MOB3B: variants seen among roughly 807,000 people sequenced by gnomAD.
MOB3B encodes the protein MOB kinase activator 3B, also known as MOB kinase activator-like 2B.
In MOB3B, 7 loss-of-function variants were observed where a neutral mutation model predicts 18.7. That is an observed-to-expected ratio of 0.37 (90% CI 0.21 to 0.70). The LOEUF (loss-of-function observed/expected upper bound fraction) is 0.70. Among genes scored for constraint, MOB3B ranks in the 30% least tolerant of loss-of-function variants. The pLI, the probability that MOB3B is intolerant of heterozygous loss-of-function variation, is 0.52. For missense variants in MOB3B, 253 were observed against 281.3 expected (o/e 0.90, Z 0.72); for synonymous variants, 111 against 99.9 (o/e 1.11, Z -0.66).
At chr9:27,456,672 A>G (rs1822875641) in intron 1 of MOB3B, among the ~76,000 whole-genome samples, 2 of 152,166 alleles carry the variant, frequency 1.3e-5, no homozygotes, top group Non-Finnish European at 2.9e-5. Context: ...GCCGTCCTTT[A>G]TACCCTTCAT....
At chr9:27,392,280 C>T (rs1821736999) in intron 2 of MOB3B, among the ~76,000 whole-genome samples, 1 of 152,120 alleles carries the variant, frequency 6.6e-6, no homozygotes, top group South Asian at 2.1e-4. Context: ...TCTTGAACAT[C>T]ATTGAAGCTT....
chr9:27,394,954 T>C (rs1286405648), intron 2 of MOB3B, among the ~76,000 whole-genome samples: 1 of 152,218 alleles, frequency 6.6e-6, no homozygotes, highest in East Asian at 1.9e-4. Flanking sequence ...AGCAGCTCTA[T>C]TAGATTGAAA....
chr9:27,418,091 C>CAAAAAAAAAAAAAAAAAAAAA (rs57850999), intron 2 of MOB3B, among the ~76,000 whole-genome samples: 6 of 44,082 alleles, frequency 1.4e-4, no homozygotes, highest in African/African-American at 3.4e-4. Flanking sequence ...GACTCCACCT[C>CAAAAAAAAAAAAAAAAAAAAA]AAAAAAAAAA....
At chr9:27,418,603 T>C (rs917207716) in intron 2 of MOB3B, among the ~76,000 whole-genome samples, 13 of 152,202 alleles carry the variant, frequency 8.5e-5, no homozygotes, top group African/African-American at 3.1e-4. Context: ...TCTCAATAGA[T>C]GCAGAAAAAG....
intron 3 of MOB3B, among the ~76,000 whole-genome samples, chr9:27,352,135 C>T (rs906023409): frequency 1.3e-5 from 2 of 152,112 alleles, no homozygotes; most frequent in Non-Finnish European, 2.9e-5. Context: ...AATCCCAGCA[C>T]TTTGGGAGGT....
intron 1 of MOB3B, among the ~76,000 whole-genome samples, chr9:27,521,877 C>T (rs1433135356): frequency 6.6e-6 from 1 of 152,086 alleles, no homozygotes; most frequent in Admixed American, 6.5e-5. Context: ...TAGTATTGAT[C>T]CCATTTCAGA....
intron 1 of MOB3B, among the ~76,000 whole-genome samples, chr9:27,509,546 A>G (rs1820110597): frequency 1.3e-5 from 2 of 151,756 alleles, no homozygotes; most frequent in South Asian, 4.2e-4. Flanking sequence ...CCTCCCGAGT[A>G]GCTGGAATTA....
intron 3 of MOB3B, among the ~76,000 whole-genome samples, chr9:27,330,935 A>G (rs1015606396): frequency 6.6e-6 from 1 of 152,136 alleles, no homozygotes; most frequent in Non-Finnish European, 1.5e-5. Flanking sequence ...TCAGCAGAAG[A>G]ATTTGCTCTC....
intron 1 of MOB3B, among the ~76,000 whole-genome samples, chr9:27,480,868 G>A (rs887092594): frequency 6.6e-6 from 1 of 152,118 alleles, no homozygotes; most frequent in African/African-American, 2.4e-5. Context: ...TAAGAGAACA[G>A]AAAATGATAA....
At chr9:27,369,510 C>T (rs7025359) in intron 2 of MOB3B, among the ~76,000 whole-genome samples, 147,926 of 152,310 alleles carry the variant, frequency 0.97, 71,983 homozygotes, top group Middle Eastern at 1. Flanking sequence ...CTTCCCAATA[C>T]GCAAATCTAA....
chr9:27,517,210 G>A (rs1820248613), intron 1 of MOB3B, among the ~76,000 whole-genome samples: 1 of 152,086 alleles, frequency 6.6e-6, no homozygotes, highest in African/African-American at 2.4e-5. Context: ...ACTGCCTCCA[G>A]GAACCTCTGC....
At chr9:27,454,246 G>C (rs1453134804) in intron 2 of MOB3B, among the ~76,000 whole-genome samples, 3 of 152,080 alleles carry the variant, frequency 2.0e-5, no homozygotes, top group Non-Finnish European at 2.9e-5. Flanking sequence ...TACGTTTTTT[G>C]TACTCCAACC....
intron 2 of MOB3B, among the ~76,000 whole-genome samples, chr9:27,362,780 T>C (rs1490949879): frequency 2.6e-5 from 4 of 152,196 alleles, no homozygotes; most frequent in Non-Finnish European, 4.4e-5. Flanking sequence ...GAAAGCTACA[T>C]GCATTTGAAA....
chr9:27,471,078 A>G (rs951703522), intron 1 of MOB3B, among the ~76,000 whole-genome samples: 2 of 152,164 alleles, frequency 1.3e-5, no homozygotes, highest in African/African-American at 4.8e-5. Flanking sequence ...GAAATGGCAG[A>G]AAGACCAAGA....
At chr9:27,412,039 C>G (rs888853758) in intron 2 of MOB3B, among the ~76,000 whole-genome samples, 50 of 152,164 alleles carry the variant, frequency 3.3e-4, no homozygotes, top group African/African-American at 1.2e-3. Flanking sequence ...TTAATTAACC[C>G]TGAACCATTT....
At chr9:27,452,805 C>G (rs929304130) in intron 2 of MOB3B, among the ~76,000 whole-genome samples, 1 of 152,130 alleles carries the variant, frequency 6.6e-6, no homozygotes, top group Non-Finnish European at 1.5e-5. Flanking sequence ...TATTTGGAAT[C>G]TTAAAATGTT....
At chr9:27,465,855 G>T (rs1162559265) in intron 1 of MOB3B, among the ~76,000 whole-genome samples, 2 of 152,198 alleles carry the variant, frequency 1.3e-5, no homozygotes, top group Non-Finnish European at 2.9e-5. Flanking sequence ...TGGGACACAG[G>T]GCACCAAGTT....
At chr9:27,468,870 G>A (rs1431240880) in intron 1 of MOB3B, among the ~76,000 whole-genome samples, 1 of 152,182 alleles carries the variant, frequency 6.6e-6, no homozygotes, top group Admixed American at 6.5e-5. Flanking sequence ...AAGATCAACA[G>A]TGGCTACTGG....
intron 2 of MOB3B, among the ~76,000 whole-genome samples, chr9:27,386,149 G>A (rs1047386367): frequency 1.3e-5 from 2 of 152,172 alleles, no homozygotes; most frequent in African/African-American, 4.8e-5. Context: ...TCCAAGTTTC[G>A]AGTCTGCCTC....
Sources: allele counts gnomAD v4.1 joint callset (sites outside exome capture counted in the v4.1 genomes callset), GRCh38; gene constraint gnomAD v4.1.1; transcripts MANE v1.5; gene names NCBI Gene and HGNC (gene_info 2026-07-23, HGNC 2026-07-21).